Variants in BABAM2 observed in about 807,000 individuals in gnomAD.
The protein encoded by BABAM2 is BRISC and BRCA1-A complex member 2.
BABAM2 carries 31 observed loss-of-function variants against 54.7 expected under a neutral mutation model. That is an observed-to-expected ratio of 0.57 (90% CI 0.43 to 0.77). The LOEUF (loss-of-function observed/expected upper bound fraction) is 0.77. Ranked by LOEUF, BABAM2 falls within the 30% of genes least tolerant of loss-of-function variation. The pLI, the probability that BABAM2 is intolerant of heterozygous loss-of-function variation, is 0.00. For synonymous variants in BABAM2, 167 were observed against 162.9 expected (o/e 1.03, Z -0.19); for missense variants, 364 against 455.8 (o/e 0.80, Z 1.83).
rs1558404866 is a variant in BABAM2 at position 28,173,131 on chromosome 2, A to G, written c.680+43751A>G. 2.0e-5 allele frequency among the ~76,000 whole-genome samples: 3 copies of G among 152,312 alleles called. No homozygotes were observed. The East Asian group carries it at 5.8e-4, about 29-fold the overall frequency. On this transcript the variant is annotated intron_variant, in intron 7 of 11. Coordinates refer to ENST00000379624, the MANE Select transcript of BABAM2 (RefSeq NM_199191.3). ...CATCCCAGAGATACTATCTCTAAATATTATCACACTGAGGATTAGGATTTT... is the reference window on the plus strand; with the variant it reads ...CATCCCAGAGATACTATCTCTAAATGTTATCACACTGAGGATTAGGATTTT...
chr2:28,195,093 T>C (rs1426354364), intron 7 of BABAM2, among the ~76,000 whole-genome samples: 3 of 152,210 alleles, frequency 2.0e-5, no homozygotes, highest in Non-Finnish European at 2.9e-5. Context: ...CTCTCTGAGC[T>C]TAAATGCAAT....
rs191202294 is a variant in BABAM2, at chr2:28,217,043, G to A, written c.681-20159G>A. Among the ~76,000 whole-genome samples the A allele has an allele frequency of 3.5e-3, 531 of 152,160 alleles. 1 individual carries two copies. Among genetic ancestry groups the A allele is most frequent in the Non-Finnish European group, 5.5e-3 (373 of 68,006 alleles). On this transcript the variant is annotated intron_variant, in intron 7 of 11. Transcript: ENST00000379624. ...TTATTTCCACAGAGAGGCTTTCCCC[G>A]ATTGCCCTAAAGTTGCCACCTGCCG...
At chr2:27,975,442 G>T (rs1048607212) in intron 3 of BABAM2, among the ~76,000 whole-genome samples, 4 of 152,040 alleles carry the variant, frequency 2.6e-5, no homozygotes, top group Non-Finnish European at 4.4e-5. Context: ...TATGGTCAAT[G>T]ATTTTCCACA....
At chr2:27,966,097 A>G (rs1670823105) in intron 3 of BABAM2, among the ~76,000 whole-genome samples, 1 of 152,194 alleles carries the variant, frequency 6.6e-6, no homozygotes, top group African/African-American at 2.4e-5. Flanking sequence ...TTTCTGGCAA[A>G]GACTATCTCA....
intron 11 of BABAM2, chr2:28,327,171 A>T: frequency 8.0e-7 from 1 of 1,247,920 alleles, no homozygotes; most frequent in African/African-American, 1.5e-5. Flanking sequence ...AGCTGGTCCC[A>T]TGGCCGGTGG....
chr2:27,935,172 G>C (rs1668401309), intron 3 of BABAM2, among the ~76,000 whole-genome samples: 1 of 152,186 alleles, frequency 6.6e-6, no homozygotes, highest in African/African-American at 2.4e-5. Flanking sequence ...TGAAGCCAAG[G>C]ATCATTTATC....
intron 7 of BABAM2, among the ~76,000 whole-genome samples, chr2:28,133,391 G>A (rs1450976602): frequency 6.6e-6 from 1 of 152,202 alleles, no homozygotes; most frequent in East Asian, 1.9e-4. Flanking sequence ...AGCATCCCAT[G>A]TGGACCCGCC....
chr2:28,078,489 G>T (rs956946947), intron 6 of BABAM2, among the ~76,000 whole-genome samples: 1 of 152,052 alleles, frequency 6.6e-6, no homozygotes, highest in Admixed American at 6.6e-5. Flanking sequence ...CAGTAAGAAT[G>T]AATCATCTAT....
At chr2:28,053,811 A>G (rs1039145241) in intron 6 of BABAM2, among the ~76,000 whole-genome samples, 5 of 152,028 alleles carry the variant, frequency 3.3e-5, no homozygotes, top group Non-Finnish European at 5.9e-5. Flanking sequence ...CAACTACTCA[A>G]CTCTGCTTTC....
chr2:28,111,134 ATT>A (rs1334594801), intron 6 of BABAM2, among the ~76,000 whole-genome samples: 1 of 101,886 alleles, frequency 9.8e-6, no homozygotes, highest in Admixed American at 9.1e-5. Context: ...ACGCCTGGCT[ATT>A]TTTTTTTTTT....
At chr2:28,184,121 C>A (rs1675971064) in intron 7 of BABAM2, among the ~76,000 whole-genome samples, 1 of 152,138 alleles carries the variant, frequency 6.6e-6, no homozygotes, top group Non-Finnish European at 1.5e-5. Flanking sequence ...TAAAATAAAT[C>A]TCTGGCTTAC....
At chr2:28,188,912 TTTC>T (rs1676603307) in intron 7 of BABAM2, among the ~76,000 whole-genome samples, 1 of 152,172 alleles carries the variant, frequency 6.6e-6, no homozygotes, top group African/African-American at 2.4e-5. Flanking sequence ...AAAAAAAGGA[TTTC>T]TCTGCCTGGG....
At chr2:28,040,294 C>CTTTTTTTTTTTTTTCTT (rs1676971597) in intron 5 of BABAM2, among the ~76,000 whole-genome samples, 1 of 59,470 alleles carries the variant, frequency 1.7e-5, no homozygotes, top group Non-Finnish European at 3.0e-5. Context: ...AAACTGAATT[C>CTTTTTTTTTTTTTTCTT]TTTTTTTTTT....
At chr2:28,302,047 T>C (rs1275597323) in intron 11 of BABAM2, among the ~76,000 whole-genome samples, 1 of 152,194 alleles carries the variant, frequency 6.6e-6, no homozygotes, top group Non-Finnish European at 1.5e-5. Flanking sequence ...CTAAATGAAA[T>C]AATACAGATC....
intron 6 of BABAM2, among the ~76,000 whole-genome samples, chr2:28,111,652 CT>C (rs140826970): frequency 0.081 from 12,400 of 152,156 alleles, 549 homozygotes; most frequent in East Asian, 0.13. Context: ...CAGTGTGTTG[CT>C]TTTCAGTTCT....
Position 28,112,146 on chromosome 2 carries a change from T to TTTCTTTCTTTCTTTCTTTCTTTCC in BABAM2, c.571-17123_571-17122insCTTTCTTTCTTTCTTTCTTTCCTT, listed in dbSNP as rs1344247281. Among the ~76,000 whole-genome samples the TTTCTTTCTTTCTTTCTTTCTTTCC allele has an allele frequency of 2.8e-3, 30 of 10,560 alleles. 8 individuals are homozygous for TTTCTTTCTTTCTTTCTTTCTTTCC. Among genetic ancestry groups the TTTCTTTCTTTCTTTCTTTCTTTCC allele is most frequent in the Admixed American group, 3.5e-3 (3 of 848 alleles). The allele number at this position is 10,560 out of a possible 152,430, so 6.9% of individuals were successfully genotyped here. ...CTTTCTTTCTTTCTTTCTTTCTTTC[T>TTTCTTTCTTTCTTTCTTTCTTTCC]TTACCTCCCTCCCTCCCTCCCTCCC... On this transcript the variant is annotated intron_variant, in intron 6 of 11. Transcript: ENST00000379624.
upstream of BABAM2, chr2:27,890,196 C>T: frequency 6.6e-7 from 1 of 1,523,850 alleles, no homozygotes. The surrounding 1 kb of genome is among the most constrained non-coding windows in gnomAD (Gnocchi z 4.8). Flanking sequence ...CCACTGGGCG[C>T]ATAGCGCACG....
chr2:28,094,768 G>T (rs1021560290), intron 6 of BABAM2, among the ~76,000 whole-genome samples: 9 of 151,140 alleles, frequency 6.0e-5, no homozygotes, highest in African/African-American at 1.7e-4. Context: ...ATTTCTTTAT[G>T]CAAATGCGAG....
At chr2:28,035,103 G>A (rs1422293905) in intron 5 of BABAM2, among the ~76,000 whole-genome samples, 1 of 152,088 alleles carries the variant, frequency 6.6e-6, no homozygotes, top group Non-Finnish European at 1.5e-5. Flanking sequence ...TATGTTGATT[G>A]CATGTGGAAA....
Sources: gnomAD v4.1 joint callset for allele counts (sites outside exome capture counted in the v4.1 genomes callset) on GRCh38, gnomAD v4.1.1 for gene constraint, Gnocchi (gnomAD v3.1) non-coding constraint, MANE v1.5 for transcripts, NCBI Gene and HGNC (gene_info 2026-07-23, HGNC 2026-07-21) for gene names.